Variants in CNTN5 observed in about 807,000 individuals in gnomAD.
CNTN5 encodes contactin-5.
In CNTN5, 77 loss-of-function variants were observed where a neutral mutation model predicts 129.1. The ratio of observed to expected loss-of-function variants is 0.60; its 90% CI spans 0.50 to 0.72. The LOEUF is 0.72. Ranked by LOEUF, CNTN5 falls within the 30% of genes least tolerant of loss-of-function variation. The pLI, the probability that CNTN5 is intolerant of heterozygous loss-of-function variation, is 0.00. For synonymous variants in CNTN5, 509 were observed against 465.6 expected (o/e 1.09, Z -1.20); for missense variants, 1,478 against 1,328.8 (o/e 1.11, Z -1.75).
chr11:99,692,412 G>A (rs1349799354), intron 3 of CNTN5, among the ~76,000 whole-genome samples: 1 of 152,108 alleles, frequency 6.6e-6, no homozygotes, highest in Non-Finnish European at 1.5e-5. Context: ...TTCCTTAGGA[G>A]CACTTGTAAC....
At chr11:99,857,998 A>G (rs2135752777) in intron 6 of CNTN5, among the ~76,000 whole-genome samples, 1 of 152,256 alleles carries the variant, frequency 6.6e-6, no homozygotes, top group East Asian at 1.9e-4. Flanking sequence ...CCAGTGCTTA[A>G]AGTGTCTACC....
At chr11:100,194,974 G>A (rs558705727) in intron 15 of CNTN5, among the ~76,000 whole-genome samples, 4 of 152,032 alleles carry the variant, frequency 2.6e-5, no homozygotes, top group Non-Finnish European at 4.4e-5. Flanking sequence ...TTAAATGAGC[G>A]AATTTTAACT....
At chr11:99,825,348 C>T (rs1368732006) in intron 4 of CNTN5, among the ~76,000 whole-genome samples, 1 of 151,952 alleles carries the variant, frequency 6.6e-6, no homozygotes, top group East Asian at 1.9e-4. Flanking sequence ...GTGATTATCA[C>T]TAATGAAATT....
chr11:100,112,168 C>T (rs1444398416), intron 13 of CNTN5, among the ~76,000 whole-genome samples: 1 of 152,096 alleles, frequency 6.6e-6, no homozygotes, highest in African/African-American at 2.4e-5. Context: ...GCTTTAACAG[C>T]CAGAGACTGC....
At chr11:100,107,986 ATTTTT>A (rs35920036) in intron 13 of CNTN5, among the ~76,000 whole-genome samples, 8 of 142,492 alleles carry the variant, frequency 5.6e-5, no homozygotes, top group East Asian at 4.1e-4. Context: ...AGTGGGGATA[ATTTTT>A]TTTTTTTTTT....
At chr11:99,324,365 T>G (rs151298953) in intron 1 of CNTN5, among the ~76,000 whole-genome samples, 10 of 152,292 alleles carry the variant, frequency 6.6e-5, no homozygotes, top group African/African-American at 2.4e-4. Flanking sequence ...TAAGCATAAA[T>G]GCTCTATAAA....
chr11:99,952,264 A>C (rs894746422), intron 7 of CNTN5, among the ~76,000 whole-genome samples: 3 of 152,164 alleles, frequency 2.0e-5, no homozygotes, highest in Non-Finnish European at 2.9e-5. Flanking sequence ...ATTGTAGTGA[A>C]AATTTTTAAA....
chr11:99,805,028 A>G (rs1471339497), intron 3 of CNTN5, among the ~76,000 whole-genome samples: 2 of 152,132 alleles, frequency 1.3e-5, no homozygotes. Flanking sequence ...TTATTGAGGA[A>G]TTAAAGTCTG....
At chr11:100,187,465 T>A (rs1387291379) in intron 13 of CNTN5, among the ~76,000 whole-genome samples, 1 of 151,540 alleles carries the variant, frequency 6.6e-6, no homozygotes, top group Non-Finnish European at 1.5e-5. Context: ...TATGGAACCA[T>A]AAAATAGACC....
At chr11:99,334,255 C>G (rs1866126033) in intron 2 of CNTN5, among the ~76,000 whole-genome samples, 1 of 151,964 alleles carries the variant, frequency 6.6e-6, no homozygotes, top group African/African-American at 2.4e-5. Flanking sequence ...ATAGATGGGC[C>G]TCTAGAAATA....
At chr11:100,302,645 C>T (rs1951249799) in intron 20 of CNTN5, among the ~76,000 whole-genome samples, 1 of 151,398 alleles carries the variant, frequency 6.6e-6, no homozygotes, top group African/African-American at 2.4e-5. Flanking sequence ...ATGCAGCTAC[C>T]AGAATTTATG....
intron 6 of CNTN5, among the ~76,000 whole-genome samples, chr11:99,913,556 T>G (rs1949714921): frequency 6.6e-6 from 1 of 152,058 alleles, no homozygotes; most frequent in African/African-American, 2.4e-5. Context: ...GAGGAAATGT[T>G]GAATTTTGCT....
chr11:99,047,011 A>G (rs1864237947), intron 1 of CNTN5, among the ~76,000 whole-genome samples: 1 of 152,010 alleles, frequency 6.6e-6, no homozygotes, highest in Admixed American at 6.6e-5. Flanking sequence ...CATTATATTT[A>G]TAATATACAT....
chr11:99,827,542 C>T (rs1182167915), intron 4 of CNTN5, among the ~76,000 whole-genome samples: 2 of 152,136 alleles, frequency 1.3e-5, no homozygotes, highest in African/African-American at 4.8e-5. Context: ...CAAGACTAGA[C>T]TAAATTGTTA....
At chr11:99,128,158 C>T (rs1858741290) in intron 1 of CNTN5, among the ~76,000 whole-genome samples, 1 of 152,140 alleles carries the variant, frequency 6.6e-6, no homozygotes, top group Non-Finnish European at 1.5e-5. Flanking sequence ...GGGTCCCACG[C>T]CCACAGAACC....
At chr11:99,824,246 T>C (rs1384941374) in intron 4 of CNTN5, among the ~76,000 whole-genome samples, 1 of 152,016 alleles carries the variant, frequency 6.6e-6, no homozygotes, top group Admixed American at 6.6e-5. Context: ...CTACCAACAT[T>C]ATTGTATAGG....
chr11:100,260,835 TATC>T (rs1426394431), intron 17 of CNTN5, among the ~76,000 whole-genome samples: 10 of 152,294 alleles, frequency 6.6e-5, no homozygotes, highest in Admixed American at 5.9e-4. Flanking sequence ...ACACAGCTAA[TATC>T]ATACTAAATG....
intron 1 of CNTN5, among the ~76,000 whole-genome samples, chr11:99,204,649 A>G (rs576236815): frequency 2.2e-4 from 33 of 152,334 alleles, no homozygotes; most frequent in Admixed American, 3.3e-4. Flanking sequence ...GTGCAATGGA[A>G]GAGCTTAAGA....
intron 1 of CNTN5, among the ~76,000 whole-genome samples, chr11:99,178,420 C>A (rs1167867035): frequency 6.6e-6 from 1 of 150,682 alleles, no homozygotes; most frequent in Non-Finnish European, 1.5e-5. Context: ...ATTCAGGAGC[C>A]TAATGTGGGA....
Sources: allele counts gnomAD v4.1 joint callset (sites outside exome capture counted in the v4.1 genomes callset), GRCh38; gene constraint gnomAD v4.1.1; transcripts MANE v1.5; gene names NCBI Gene and HGNC (gene_info 2026-07-23, HGNC 2026-07-21).